The following CHCHD3 variants were observed in gnomAD, a reference collection of about 807,000 sequenced individuals.
The protein encoded by CHCHD3 is MICOS complex subunit MIC19.
CHCHD3 carries 20 observed loss-of-function variants against 38.2 expected under a neutral mutation model. The observed-to-expected ratio is 0.52, with a 90% CI of 0.37 to 0.76. The LOEUF (loss-of-function observed/expected upper bound fraction) is 0.76, where lower values mean the gene tolerates loss of function less well. Among genes scored for constraint, CHCHD3 ranks in the 30% least tolerant of loss-of-function variants. The pLI, the probability that CHCHD3 is intolerant of heterozygous loss-of-function variation, is 0.00. For synonymous variants in CHCHD3, 82 were observed against 100.0 expected (o/e 0.82, Z 1.07); for missense variants, 245 against 279.2 (o/e 0.88, Z 0.87).
chr7:132,942,130 C>T (rs540696578), intron 4 of CHCHD3, among the ~76,000 whole-genome samples: 1 of 152,170 alleles, frequency 6.6e-6, no homozygotes, highest in South Asian at 2.1e-4. Context: ...TATTCATTGG[C>T]TGGAAACATT....
chr7:133,007,984 T>C (rs1233403164), intron 3 of CHCHD3, among the ~76,000 whole-genome samples: 1 of 152,242 alleles, frequency 6.6e-6, no homozygotes, highest in Non-Finnish European at 1.5e-5. Flanking sequence ...TCTCAAGTCC[T>C]TCCTGTTATT....
chr7:132,891,854 G>A (rs899822931), intron 4 of CHCHD3, among the ~76,000 whole-genome samples: 2 of 152,086 alleles, frequency 1.3e-5, no homozygotes, highest in Non-Finnish European at 2.9e-5. Flanking sequence ...AGCATTTGAC[G>A]GTTCCTCCTT....
chr7:132,857,240 G>T (rs920792799), intron 5 of CHCHD3, among the ~76,000 whole-genome samples: 1 of 152,048 alleles, frequency 6.6e-6, no homozygotes, highest in Non-Finnish European at 1.5e-5. Context: ...TTAAATCCAT[G>T]AAACTGGAGC....
chr7:132,786,048 T>A (rs1273426455), intron 7 of CHCHD3, among the ~76,000 whole-genome samples: 1 of 152,094 alleles, frequency 6.6e-6, no homozygotes, highest in African/African-American at 2.4e-5. Flanking sequence ...CATGGTGGTG[T>A]GTGCCTGTAG....
rs1257417366 is a variant in CHCHD3, at chr7:132,785,402, G to T, written c.*235C>A. On this transcript the variant is annotated 3_prime_UTR_variant, in exon 8 of 8. Transcript: ENST00000262570. ...CTTCTCTTTTAATCATCATAAGAGG[G>T]TTTACTAATACTCAAGAGTGTCCTT... is the stretch of plus-strand genomic sequence containing the variant. 14 of 580,152 alleles carry T rather than the reference G, an allele frequency of 2.4e-5. No homozygotes were observed. Among genetic ancestry groups the T allele is most frequent in the Non-Finnish European group, 3.7e-5 (12 of 323,498 alleles). The allele number at this position is 580,152 out of a possible 1,614,324, so 35.9% of individuals were successfully genotyped here.
intron 4 of CHCHD3, among the ~76,000 whole-genome samples, chr7:132,963,399 A>G (rs1214046126): frequency 7.1e-6 from 1 of 141,538 alleles, no homozygotes; most frequent in East Asian, 2.1e-4. Flanking sequence ...TGGGAGGCCA[A>G]GGCGGGCGGA....
At chr7:133,006,662 T>C (rs903950414) in intron 3 of CHCHD3, among the ~76,000 whole-genome samples, 1 of 152,100 alleles carries the variant, frequency 6.6e-6, no homozygotes, top group Non-Finnish European at 1.5e-5. Flanking sequence ...CACAATTTCT[T>C]GAGGGCAATT....
chr7:132,972,523 G>C, intron 4 of CHCHD3: 1 of 893,632 alleles, frequency 1.1e-6, no homozygotes, highest in Non-Finnish European at 1.3e-6. Context: ...TTCTAATCTT[G>C]ATCCAATGAA....
At position 132,975,925 on chromosome 7, in the gene CHCHD3, T is replaced by TAA. The variant is rs11417082; in HGVS notation, c.252-641_252-640dup. On this transcript the variant is annotated intron_variant, in intron 3 of 7. Coordinates refer to ENST00000262570, the MANE Select transcript of CHCHD3 (RefSeq NM_017812.4). ...TAGCCTGGGCGAATGAGACTCCGTT[T>TAA]AAAAAAAAAAAAAAAAGCCATCTAC... is the stretch of plus-strand genomic sequence containing the variant. Among the ~76,000 whole-genome samples, 740 of 140,462 alleles carry TAA rather than the reference T, an allele frequency of 5.3e-3. 3 individuals carry two copies. Among genetic ancestry groups the TAA allele is most frequent in the South Asian group, 0.022 (94 of 4,294 alleles). The allele number at this position is 140,462 out of a possible 152,430, so 92.1% of individuals were successfully genotyped here.
chr7:132,923,567 T>C (rs973754760), intron 4 of CHCHD3, among the ~76,000 whole-genome samples: 2 of 152,202 alleles, frequency 1.3e-5, no homozygotes, highest in Admixed American at 6.5e-5. Context: ...AACAGGGGTA[T>C]CAGTTTATAA....
chr7:132,995,711 A>G (rs985423712), intron 3 of CHCHD3, among the ~76,000 whole-genome samples: 3 of 152,184 alleles, frequency 2.0e-5, no homozygotes, highest in African/African-American at 7.2e-5. Flanking sequence ...AATAACATAC[A>G]ATTCCAACTC....
chr7:132,821,088 C>T (rs180867578), intron 6 of CHCHD3, among the ~76,000 whole-genome samples: 9 of 152,206 alleles, frequency 5.9e-5, no homozygotes, highest in African/African-American at 1.9e-4. Flanking sequence ...GCCTGGTATA[C>T]TCAATTGTAA....
chr7:132,792,136 T>C (rs535173308), intron 7 of CHCHD3, among the ~76,000 whole-genome samples: 1 of 152,158 alleles, frequency 6.6e-6, no homozygotes, highest in Non-Finnish European at 1.5e-5. Flanking sequence ...TTGCCTCTGG[T>C]CCCAGTTTGC....
intron 3 of CHCHD3, among the ~76,000 whole-genome samples, chr7:133,006,236 C>A (rs991325616): frequency 2.0e-5 from 3 of 152,098 alleles, no homozygotes; most frequent in African/African-American, 7.2e-5. Flanking sequence ...AAGGCCAAGG[C>A]AGGCAGATCA....
At chr7:132,898,977 TCGCGCCTC>T (rs1809593315) in intron 4 of CHCHD3, among the ~76,000 whole-genome samples, 1 of 152,094 alleles carries the variant, frequency 6.6e-6, no homozygotes, top group Non-Finnish European at 1.5e-5. Flanking sequence ...CGGTTCCCGC[TCGCGCCTC>T]CCCCTCCACA....
rs189482919 is a variant in CHCHD3 at position 132,808,870 on chromosome 7, T to C, written c.525-12293A>G. On this transcript the variant is annotated intron_variant, in intron 6 of 7. Coordinates refer to ENST00000262570, the MANE Select transcript of CHCHD3 (RefSeq NM_017812.4). ...ATCTAGCATTAGGTATATCTCCCAA[T>C]GCTATCCCTCCCCCCTCCCCCCACG... Among the ~76,000 whole-genome samples the C allele has an allele frequency of 1.5e-3, 226 of 150,946 alleles. 1 individual carries two copies. Among genetic ancestry groups the C allele is most frequent in the African/African-American group, 5.1e-3 (210 of 41,184 alleles).
chr7:132,909,446 G>A (rs576173700), intron 4 of CHCHD3, among the ~76,000 whole-genome samples: 86 of 152,214 alleles, frequency 5.6e-4, no homozygotes, highest in South Asian at 2.7e-3. Flanking sequence ...GGCCAAGATC[G>A]TGCCACTGCA....
intron 6 of CHCHD3, among the ~76,000 whole-genome samples, chr7:132,824,123 T>C (rs1482848623): frequency 1.3e-5 from 2 of 152,186 alleles, no homozygotes; most frequent in Non-Finnish European, 2.9e-5. Context: ...TGATAGTCAT[T>C]AATTTGGTGC....
intron 6 of CHCHD3, among the ~76,000 whole-genome samples, chr7:132,809,445 C>A (rs1454081630): frequency 6.6e-6 from 1 of 152,168 alleles, no homozygotes; most frequent in Non-Finnish European, 1.5e-5. Context: ...TTCATCTACA[C>A]GAATTCTAGT....
Sources: gnomAD v4.1 joint callset for allele counts (sites outside exome capture counted in the v4.1 genomes callset) on GRCh38, gnomAD v4.1.1 for gene constraint, MANE v1.5 for transcripts, NCBI Gene and HGNC (gene_info 2026-07-23, HGNC 2026-07-21) for gene names.